The following HDAC9 variants were observed in gnomAD, a reference collection of about 807,000 sequenced individuals.
The protein encoded by HDAC9 is MEF-2 interacting transcription repressor (MITR) protein.
Under a neutral mutation model 139.4 loss-of-function variants are expected in HDAC9, and 41 were observed. The ratio of observed to expected loss-of-function variants is 0.29; its 90% confidence interval spans 0.23 to 0.38. The LOEUF is 0.38. HDAC9 is among the 10% of genes least tolerant of loss of function. The pLI, the probability that HDAC9 is intolerant of heterozygous loss-of-function variation, is 1.00. For synonymous variants in HDAC9, 517 were observed against 476.2 expected, an observed-to-expected ratio of 1.09 and a Z score of -1.12; for missense variants, 1,147 against 1,297.0, an observed-to-expected ratio of 0.88 and a Z score of 1.78.
At chr7:18,607,780 A>G (rs995524683) in intron 6 of HDAC9, among the ~76,000 whole-genome samples, 2 of 152,072 alleles carry the variant, frequency 1.3e-5, no homozygotes, top group Admixed American at 6.6e-5. Context: ...AAGGAAATAT[A>G]TAATTGCATT....
intron 12 of HDAC9, among the ~76,000 whole-genome samples, chr7:18,726,803 T>C (rs1226659291): frequency 6.6e-6 from 1 of 151,890 alleles, no homozygotes; most frequent in Non-Finnish European, 1.5e-5. Context: ...CTGTGTAGCA[T>C]TGATGATTAA....
chr7:18,117,844 G>C (rs1012281993), intron 1 of HDAC9, among the ~76,000 whole-genome samples: 1 of 152,206 alleles, frequency 6.6e-6, no homozygotes, highest in Non-Finnish European at 1.5e-5. Context: ...CAGAAGTTGA[G>C]AATGGAGAGA....
chr7:18,543,271 A>T (rs1413513669), intron 2 of HDAC9: 2 of 152,164 alleles, frequency 1.3e-5, no homozygotes, highest in Non-Finnish European at 2.9e-5. Context: ...AGATTTTCTG[A>T]GGGACATGTG....
At chr7:18,698,971 T>G (rs1289436045) in intron 12 of HDAC9, among the ~76,000 whole-genome samples, 1 of 152,190 alleles carries the variant, frequency 6.6e-6, no homozygotes, top group African/African-American at 2.4e-5. Flanking sequence ...AAAAAGACTT[T>G]TCATTTACAC....
intron 21 of HDAC9, among the ~76,000 whole-genome samples, chr7:18,838,010 A>G (rs1796349411): frequency 6.6e-6 from 1 of 152,018 alleles, no homozygotes; most frequent in Non-Finnish European, 1.5e-5. Flanking sequence ...AGAAATGTAA[A>G]TTTCTGGCTT....
Position 18,893,968 on chromosome 7 carries a change from G to A in HDAC9, c.2803+19372G>A, listed in dbSNP as rs901940385. Among the ~76,000 whole-genome samples, 10 of 152,290 alleles carry A rather than the reference G, an allele frequency of 6.6e-5. No individual in the cohort carries two copies. The South Asian group carries it at 1.5e-3, about 22-fold the overall frequency. The stretch of plus-strand genomic sequence containing the variant: ...CAGTGCCAAAGGAAGAAGAAGGCAA[G>A]TATGAGATGTTCAAGAGAAAAGGGT... On this transcript the variant is annotated intron_variant, in intron 22 of 25. Coordinates refer to ENST00000686413, the MANE Select transcript of HDAC9 (RefSeq NM_178425.4).
intron 6 of HDAC9, 81 bp from the exon 7 acceptor site, chr7:18,629,266 CTTT>C: frequency 1.1e-4 from 115 of 1,013,902 alleles, no homozygotes; most frequent in Admixed American, 2.1e-4. Flanking sequence ...AAGGGTGAGA[CTTT>C]TTTTTTTTTT....
At chr7:18,401,176 C>T (rs936949416) in intron 1 of HDAC9, among the ~76,000 whole-genome samples, 25 of 152,048 alleles carry the variant, frequency 1.6e-4, no homozygotes, top group African/African-American at 5.8e-4. Flanking sequence ...AAGTGTTATC[C>T]ACTTAAAGTG....
intron 22 of HDAC9, among the ~76,000 whole-genome samples, chr7:18,922,854 T>A (rs1803879415): frequency 6.6e-6 from 1 of 152,074 alleles, no homozygotes; most frequent in African/African-American, 2.4e-5. Flanking sequence ...CTAGATAATT[T>A]TCCTAAGCAG....
chr7:18,509,672 A>G (rs1800869583), intron 2 of HDAC9, among the ~76,000 whole-genome samples: 1 of 152,144 alleles, frequency 6.6e-6, no homozygotes, highest in East Asian at 1.9e-4. Flanking sequence ...CCCAATGCAA[A>G]TGTTACCTAA....
Position 18,317,094 on chromosome 7 carries a change from A to AAAATAAAT in HDAC9, c.-42+26628_-42+26635dup, listed in dbSNP as rs71014322. Among the ~76,000 whole-genome samples the AAAATAAAT allele has an allele frequency of 1.4e-3, 175 of 127,616 alleles. 1 individual carries two copies. The highest frequency in any genetic ancestry group is 3.9e-3 in the Middle Eastern group (1 of 254). The allele number at this position is 127,616 out of a possible 152,430, so 83.7% of individuals were successfully genotyped here. A position where few individuals can be genotyped will look rare whatever the true frequency, so the allele number is the denominator to read the frequency against. On this transcript the variant is annotated intron_variant, in intron 1 of 3. Coordinates refer to the HDAC9 transcript ENST00000413509. ...GGGCGACAGAGTCAGACTCTGTCTC[A>AAAATAAAT]AAATAAATAAATAAATAAATAAATA...
intron 24 of HDAC9, among the ~76,000 whole-genome samples, chr7:18,961,221 C>T (rs1356328987): frequency 6.6e-6 from 1 of 152,154 alleles, no homozygotes; most frequent in Non-Finnish European, 1.5e-5. Flanking sequence ...GGTTTTATTT[C>T]CAGCAGGGAA....
At chr7:18,323,014 C>T (rs1327801327) in intron 1 of HDAC9, among the ~76,000 whole-genome samples, 1 of 152,052 alleles carries the variant, frequency 6.6e-6, no homozygotes, top group Admixed American at 6.6e-5. Context: ...AGGGTGGATG[C>T]CATTTTAAAT....
chr7:18,454,734 G>A (rs573499616), intron 1 of HDAC9, among the ~76,000 whole-genome samples: 54 of 152,034 alleles, frequency 3.6e-4, no homozygotes, highest in African/African-American at 1.0e-3. Context: ...GCTATTTTCA[G>A]CATTTATCCT....
chr7:18,819,267 G>A (rs866976555), intron 17 of HDAC9, among the ~76,000 whole-genome samples: 25 of 152,110 alleles, frequency 1.6e-4, no homozygotes, highest in Admixed American at 1.1e-3. Context: ...GTGACAGAGC[G>A]AGACTCCATC....
chr7:18,734,892 G>T (rs1164789284), intron 13 of HDAC9, among the ~76,000 whole-genome samples: 1 of 152,176 alleles, frequency 6.6e-6, no homozygotes, highest in Non-Finnish European at 1.5e-5. Context: ...ATCCTCTCCA[G>T]CATCTGTTGT....
chr7:18,194,975 T>C (rs1314632792), intron 2 of HDAC9, among the ~76,000 whole-genome samples: 2 of 151,904 alleles, frequency 1.3e-5, no homozygotes, highest in African/African-American at 4.8e-5. Context: ...GTTCTTGGCA[T>C]TATAAGGAGG....
chr7:18,903,590 A>G (rs1472735051), intron 22 of HDAC9, among the ~76,000 whole-genome samples: 1 of 152,116 alleles, frequency 6.6e-6, no homozygotes, highest in African/African-American at 2.4e-5. Flanking sequence ...GTGACCCTGA[A>G]AAGGTGAATT....
At chr7:18,967,132 C>A (rs2129332107) in intron 24 of HDAC9, among the ~76,000 whole-genome samples, 1 of 152,006 alleles carries the variant, frequency 6.6e-6, no homozygotes, top group African/African-American at 2.4e-5. Flanking sequence ...GCAGTTTCTA[C>A]TTTAAAATTT....
Sources: allele counts gnomAD v4.1 joint callset (sites outside exome capture counted in the v4.1 genomes callset), GRCh38; gene constraint gnomAD v4.1.1; transcripts MANE v1.5; gene names NCBI Gene and HGNC (gene_info 2026-07-23, HGNC 2026-07-21).